Variants in CADPS observed in about 807,000 individuals in gnomAD.
CADPS encodes the protein calcium-dependent secretion activator 1.
In CADPS, 57 loss-of-function variants were observed where a neutral mutation model predicts 167.3. The ratio of observed to expected loss-of-function variants is 0.34; its 90% CI spans 0.28 to 0.42. The LOEUF (loss-of-function observed/expected upper bound fraction) is 0.42, where lower values mean the gene tolerates loss of function less well. Ranked by LOEUF, CADPS falls within the 20% of genes least tolerant of loss-of-function variation. The pLI, the probability that CADPS is intolerant of heterozygous loss-of-function variation, is 1.00. For missense variants in CADPS, 1,414 were observed against 1,738.1 expected, an observed-to-expected ratio of 0.81 and a Z score of 3.32; for synonymous variants, 676 against 635.3, an observed-to-expected ratio of 1.06 and a Z score of -0.96.
At chr3:62,526,877 CA>C (rs1338907643) in intron 13 of CADPS, among the ~76,000 whole-genome samples, 1 of 152,106 alleles carries the variant, frequency 6.6e-6, no homozygotes, top group Non-Finnish European at 1.5e-5. Context: ...AGAATCTCTG[CA>C]GGTGGAGCCC....
At chr3:62,763,599 G>C (rs1241240666) in intron 2 of CADPS, among the ~76,000 whole-genome samples, 1 of 152,296 alleles carries the variant, frequency 6.6e-6, no homozygotes, top group East Asian at 1.9e-4. Context: ...CCAGAGTTGG[G>C]TACAGGAAGA....
intron 3 of CADPS, among the ~76,000 whole-genome samples, chr3:62,707,946 A>G (rs1267844484): frequency 1.3e-5 from 2 of 151,738 alleles, no homozygotes; most frequent in Non-Finnish European, 2.9e-5. Context: ...TTGTTTGGAG[A>G]CAGAGTCTCT....
chr3:62,527,636 C>A (rs540709716), intron 13 of CADPS, among the ~76,000 whole-genome samples: 5 of 152,282 alleles, frequency 3.3e-5, no homozygotes, highest in African/African-American at 1.2e-4. Context: ...GGAGATGGTG[C>A]ACAAGTTTCC....
chr3:62,585,256 GT>G lies in CADPS; in HGVS notation c.1505del (p.Asn502ThrfsTer21). 6.2e-7 allele frequency: 1 copy of G among 1,613,968 alleles called. No individual in the cohort carries two copies. Among genetic ancestry groups the G allele is most frequent in the Non-Finnish European group, 8.5e-7 (1 of 1,179,882 alleles). ...TGATTTTGAGATCTTGGTCGGGGCA[GT>G]TTTTGGAGACTGTCATTTTGTGCCA... ...SEWHKMTVSK[N>X]CPDQDLKIKL... On this transcript the variant is annotated frameshift_variant, in exon 8 of 30. Coordinates refer to ENST00000383710, the MANE Select transcript of CADPS (RefSeq NM_003716.4). LOFTEE classifies it high-confidence loss of function.
At chr3:62,404,219 A>G (rs895165601) in intron 28 of CADPS, 2 of 152,656 alleles carry the variant, frequency 1.3e-5, no homozygotes, top group Non-Finnish European at 2.9e-5. Context: ...AACTGTGCAC[A>G]GAAAAGATGC....
chr3:62,757,119 G>T (rs1181067515), intron 2 of CADPS, among the ~76,000 whole-genome samples: 1 of 152,080 alleles, frequency 6.6e-6, no homozygotes. Context: ...ATGGCAGTGG[G>T]GACACTAAGG....
In CADPS at chr3:62,789,952, C is replaced by T. The variant is rs560287232; in HGVS notation, c.442-23968G>A. 3.2e-3 allele frequency among the ~76,000 whole-genome samples: 484 copies of T among 152,024 alleles called. 2 individuals carry two copies. The highest frequency in any genetic ancestry group is 6.8e-3 in the Middle Eastern group (2 of 292). ...CTATTCTAAACTCTGTGAAATAGAGCCTTGAAAAAAATAGCCATAGTCCAT... is the reference window on the plus strand; with the variant it reads ...CTATTCTAAACTCTGTGAAATAGAGTCTTGAAAAAAATAGCCATAGTCCAT... On this transcript the variant is annotated intron_variant, in intron 1 of 29. Transcript: ENST00000383710.
chr3:62,734,906 A>G (rs2078684247), intron 3 of CADPS, among the ~76,000 whole-genome samples: 1 of 152,176 alleles, frequency 6.6e-6, no homozygotes, highest in South Asian at 2.1e-4. Flanking sequence ...CATTTGAAAC[A>G]TGGCTATTTG....
At chr3:62,775,412 A>G (rs1559561509) in intron 1 of CADPS, among the ~76,000 whole-genome samples, 1 of 152,154 alleles carries the variant, frequency 6.6e-6, no homozygotes, top group African/African-American at 2.4e-5. Flanking sequence ...GAATTCAGTG[A>G]GTTATGTTAA....
chr3:62,776,307 G>C (rs2090280890), intron 1 of CADPS, among the ~76,000 whole-genome samples: 1 of 152,204 alleles, frequency 6.6e-6, no homozygotes, highest in Non-Finnish European at 1.5e-5. Context: ...TTAATTCAAA[G>C]AATGGTGGGA....
chr3:62,515,532 CT>C (rs1383738238), intron 16 of CADPS, among the ~76,000 whole-genome samples: 1 of 152,036 alleles, frequency 6.6e-6, no homozygotes, highest in African/African-American at 2.4e-5. Context: ...CTAAAGCCAA[CT>C]TGGAGCCATC....
At position 62,492,057 on chromosome 3, in the gene CADPS, T is replaced by A. The variant is rs150577269; in HGVS notation, c.2884+233A>T. 7.2e-5 allele frequency among the ~76,000 whole-genome samples: 11 copies of A among 152,304 alleles called. No homozygotes were observed. The East Asian group carries it at 2.1e-3, about 29-fold the overall frequency. On this transcript the variant is annotated intron_variant, in intron 20 of 29. Coordinates refer to ENST00000383710, the MANE Select transcript of CADPS (RefSeq NM_003716.4). ...CAAAAAATGGATACCTCTTCTCACA[T>A]TACTCTCAGGTTATTCTGTCTAGTT... is the stretch of plus-strand genomic sequence containing the variant.
At chr3:62,637,501 G>A (rs1242635941) in intron 6 of CADPS, among the ~76,000 whole-genome samples, 1 of 152,172 alleles carries the variant, frequency 6.6e-6, no homozygotes, top group Non-Finnish European at 1.5e-5. Context: ...TGATGTATGT[G>A]GGTCGAATTA....
intron 3 of CADPS, among the ~76,000 whole-genome samples, chr3:62,747,281 T>C (rs13065131): frequency 6.7e-6 from 1 of 148,466 alleles, no homozygotes; most frequent in Non-Finnish European, 1.5e-5. Context: ...AACTATATTG[T>C]TGTTACAGGA....
intron 28 of CADPS, among the ~76,000 whole-genome samples, chr3:62,431,801 A>C (rs2054020050): frequency 6.6e-6 from 1 of 151,900 alleles, no homozygotes; most frequent in African/African-American, 2.4e-5. Flanking sequence ...CATGGGAAAT[A>C]GTGACCATTA....
chr3:62,872,647 A>T (rs1471757892), intron 1 of CADPS, among the ~76,000 whole-genome samples: 1 of 152,208 alleles, frequency 6.6e-6, no homozygotes, highest in African/African-American at 2.4e-5. Flanking sequence ...GCATACAATC[A>T]GATCAGAAAA....
chr3:62,657,285 A>C (rs1160133807), intron 4 of CADPS, among the ~76,000 whole-genome samples: 2 of 152,186 alleles, frequency 1.3e-5, no homozygotes, highest in Non-Finnish European at 1.5e-5. Flanking sequence ...TGGCATTTTC[A>C]TATTTAAAAC....
At chr3:62,546,162 G>T (rs1053248892) in intron 11 of CADPS, among the ~76,000 whole-genome samples, 1 of 151,198 alleles carries the variant, frequency 6.6e-6, no homozygotes, top group Non-Finnish European at 1.5e-5. Context: ...GTTAGCTAGA[G>T]AATCTGTGAT....
intron 8 of CADPS, among the ~76,000 whole-genome samples, chr3:62,576,055 A>G (rs1306460555): frequency 1.3e-5 from 2 of 152,198 alleles, no homozygotes; most frequent in Non-Finnish European, 2.9e-5. Flanking sequence ...CCTGGAGCAG[A>G]TGGAAGTTCT....
Sources: gnomAD v4.1 joint callset for allele counts (sites outside exome capture counted in the v4.1 genomes callset) on GRCh38, gnomAD v4.1.1 for gene constraint, MANE v1.5 for transcripts, NCBI Gene and HGNC (gene_info 2026-07-23, HGNC 2026-07-21) for gene names.